SART3: variants seen among roughly 807,000 people sequenced by gnomAD.
The protein encoded by SART3 is spliceosome associated factor 3, U4/U6 recycling protein.
Under a neutral mutation model 122.3 loss-of-function variants are expected in SART3, and 44 were observed. The observed-to-expected ratio is 0.36, with a 90% CI of 0.28 to 0.46. The LOEUF is 0.46. Ranked by LOEUF, SART3 falls within the 20% of genes least tolerant of loss-of-function variation. SART3 has a pLI of 1.00. For synonymous variants in SART3, 442 were observed against 454.0 expected (o/e 0.97, Z 0.34); for missense variants, 1,101 against 1,229.0 (o/e 0.90, Z 1.56).
At chr12:108,553,351 T>C (rs530906211) in intron 1 of SART3, among the ~76,000 whole-genome samples, 1 of 152,334 alleles carries the variant, frequency 6.6e-6, no homozygotes, top group East Asian at 1.9e-4. Context: ...CTCAAAGTGT[T>C]ATCATTGAGG....
At position 108,545,144 on chromosome 12, in the gene SART3, C is replaced by T; in HGVS notation, c.724G>A (p.Ala242Thr). Residue 242 changes from alanine (A) to threonine (T), a missense_variant, in exon 4 of 19, where the codon GCT becomes ACT. By Grantham distance (58) the Ala-to-Thr change is moderately conservative (BLOSUM62 0). Transcript: ENST00000546815. Reference protein sequence around the residue: ...REFESAIVEAARLEKVHSLFR... With the variant: ...REFESAIVEATRLEKVHSLFR... ...AGACAACCACAGGTACTCACCCGAG[C>T]AGCTTCCACAATCGCACTTTCAAAC... 1.2e-6 allele frequency: 2 copies of T among 1,614,058 alleles called. No individual in the cohort carries two copies. The highest frequency in any genetic ancestry group is 1.7e-6 in the Non-Finnish European group (2 of 1,179,986).
At position 108,536,550 on chromosome 12, in the gene SART3, T is replaced by G. The variant is rs1479852611; in HGVS notation, c.1410A>C (p.Pro470=). ...VEERFNESGD[P]SCVIMQNWAR... ...CCCAGTTCTGCATAATCACGCAGCT[T>G]GGATCACCACTCTCATTGAAACCTT... is the stretch of plus-strand genomic sequence containing the variant. The change falls in exon 11 of 19, where the codon CCA becomes CCC. Residue 470 remains proline (P), a synonymous_variant. Coordinates refer to ENST00000546815, the MANE Select transcript of SART3 (RefSeq NM_014706.4). The G allele has an allele frequency of 1.9e-6, 3 of 1,614,204 alleles. No homozygotes were observed. Among genetic ancestry groups the G allele is most frequent in the South Asian group, 2.2e-5 (2 of 91,082 alleles).
Position 108,538,919 on chromosome 12 carries a change from G to T in SART3, c.1062+15C>A, listed in dbSNP as rs371097471. The stretch of plus-strand genomic sequence containing the variant: ...AATTGGCAAAAATAAAATGAAATTA[G>T]AACAGTGATCTTACTAGGTACTGAC... On this transcript the variant is annotated intron_variant, in intron 7 of 18. Transcript: ENST00000546815. The T allele has an allele frequency of 8.1e-6, 13 of 1,613,936 alleles. No homozygotes were observed. The highest frequency in any genetic ancestry group is 2.2e-5 in the East Asian group (1 of 44,892).
At chr12:108,528,758 C>T (rs903998199) in intron 15 of SART3, among the ~76,000 whole-genome samples, 1 of 152,124 alleles carries the variant, frequency 6.6e-6, no homozygotes, top group Admixed American at 6.6e-5. Context: ...TGATTACATA[C>T]CTACAGGGGC....
At chr12:108,537,798 A>G in intron 8 of SART3, 1 of 659,270 alleles carries the variant, frequency 1.5e-6, no homozygotes, top group Non-Finnish European at 2.6e-6. Flanking sequence ...TTCTTCCACA[A>G]GACGCCCTGC....
At chr12:108,551,401 C>T (rs981953435) in intron 1 of SART3, among the ~76,000 whole-genome samples, 2 of 152,180 alleles carry the variant, frequency 1.3e-5, no homozygotes, top group African/African-American at 4.8e-5. Context: ...GCAACTTCAA[C>T]ATCTCCCTTT....
chr12:108,560,488 G>A (rs965102758), intron 1 of SART3: 1 of 390,126 alleles, frequency 2.6e-6, no homozygotes, highest in Non-Finnish European at 4.5e-6. Flanking sequence ...TCTACTGTTG[G>A]ACGTGTGGTT....
chr12:108,548,863 G>GT (rs1212626282), intron 2 of SART3, among the ~76,000 whole-genome samples: 1 of 152,196 alleles, frequency 6.6e-6, no homozygotes, highest in African/African-American at 2.4e-5. Context: ...TTACCACAAC[G>GT]TTAGAATAAA....
chr12:108,560,881 C>G lies in SART3; in HGVS notation c.274G>C (p.Glu92Gln). ...EYEWEYDEEE[E>Q]KNQLEIERLE... Reference sequence around the variant, plus strand: ...CTCTCAATCTCCAGCTGGTTTTTCTCCTCCTCTTCGTCATATTCCCACTCG... The same window carrying G: ...CTCTCAATCTCCAGCTGGTTTTTCTGCTCCTCTTCGTCATATTCCCACTCG... The change falls in exon 1 of 19, where the codon GAG (glutamate) becomes CAG (glutamine). Residue 92 changes from glutamate to glutamine, a missense_variant. Transcript: ENST00000546815. The G allele has an allele frequency of 6.2e-7, 1 of 1,606,240 alleles. No homozygotes were observed. Among genetic ancestry groups the G allele is most frequent in the Non-Finnish European group, 8.5e-7 (1 of 1,174,098 alleles).
chr12:108,532,121 C>G, intron 13 of SART3, 101 bp downstream of exon 13: 2 of 974,456 alleles, frequency 2.1e-6, no homozygotes, highest in Non-Finnish European at 3.2e-6. Flanking sequence ...AAGGTGGCAG[C>G]ATAAACACAG....
rs746978643 is a variant in SART3, at chr12:108,548,016, A to G, written c.440-25T>C. The G allele has an allele frequency of 3.8e-5, 60 of 1,589,272 alleles. No homozygotes were observed. In the Admixed American group the frequency reaches 7.0e-4, roughly 19 times the overall value. ...TCTACGAGACAAAAATACTTCCCGCATTAATACCAAAGGGTAGGCTAAGCG... is the reference window on the plus strand; with the variant it reads ...TCTACGAGACAAAAATACTTCCCGCGTTAATACCAAAGGGTAGGCTAAGCG... On this transcript the variant is annotated intron_variant, in intron 2 of 18. Coordinates refer to ENST00000546815, the MANE Select transcript of SART3 (RefSeq NM_014706.4).
intron 1 of SART3, among the ~76,000 whole-genome samples, chr12:108,550,253 TAGA>T (rs1422299241): frequency 6.6e-6 from 1 of 152,084 alleles, no homozygotes; most frequent in Non-Finnish European, 1.5e-5. Flanking sequence ...ACAGAAAAGT[TAGA>T]AGAAGGAATC....
Position 108,545,203 on chromosome 12 carries a change from G to A in SART3, c.665C>T (p.Thr222Ile). The A allele has an allele frequency of 6.2e-7, 1 of 1,614,084 alleles. No homozygotes were observed. The highest frequency in any genetic ancestry group is 8.5e-7 in the Non-Finnish European group (1 of 1,180,030). Residue 222 changes from threonine to isoleucine, a missense_variant, in exon 4 of 19, where the codon ACC (threonine) becomes ATC (isoleucine). By Grantham distance (89) the Thr-to-Ile change is moderately conservative. Coordinates refer to ENST00000546815, the MANE Select transcript of SART3 (RefSeq NM_014706.4). ...AGCCTCCCAGAGGGCGAGTCCTTTGGTCATATGTAAACCAACAGACGAGAG... is the reference window on the plus strand; with the variant it reads ...AGCCTCCCAGAGGGCGAGTCCTTTGATCATATGTAAACCAACAGACGAGAG... ...RALSSVGLHMTKGLALWEAYR... is the reference protein window; with the variant it reads ...RALSSVGLHMIKGLALWEAYR...
rs142364693 is a variant in SART3, at chr12:108,535,667, A to T, written c.1447-199T>A. The T allele has an allele frequency of 1.4e-4, 86 of 632,884 alleles. No homozygotes were observed. In the African/African-American group the frequency reaches 1.4e-3, roughly 11 times the overall value. 39.2% of individuals were successfully genotyped at this position (632,884 alleles called of 1,614,324 possible). ...TTGAGCCTTTCTGCAGCCACAAGCT[A>T]ATCTACCTATGTTTCCTGAGAACCG... is the stretch of plus-strand genomic sequence containing the variant. On this transcript the variant is annotated intron_variant, in intron 11 of 18. Transcript: ENST00000546815.
intron 4 of SART3, chr12:108,544,766 C>G: frequency 1.7e-6 from 1 of 586,904 alleles, no homozygotes; most frequent in Non-Finnish European, 3.0e-6. Flanking sequence ...GGACTCACTA[C>G]ATTGCCCAGG....
chr12:108,534,475 G>A (rs1872814713), intron 12 of SART3, among the ~76,000 whole-genome samples: 1 of 151,358 alleles, frequency 6.6e-6, no homozygotes, highest in South Asian at 2.1e-4. Context: ...CTTGAGGTCA[G>A]CATGACCTAC....
Position 108,532,251 on chromosome 12 carries a change from T to C in SART3, c.1640A>G (p.Glu547Gly). Residue 547 changes from glutamate to glycine, a missense_variant, in exon 13 of 19, where the codon GAA becomes GGA. This residue lies in a region of SART3 where 885 missense variants were observed against 1,080.1 expected (regional missense o/e 0.82). Transcript: ENST00000546815. ...TGTCCTCTCCATGGTGAGTAACACT[T>C]CGCAGACGTGCTCTGGGTAGTCACT... Reference protein sequence around the residue: ...CTSDYPEHVCEVLLTMERTEG... With the variant: ...CTSDYPEHVCGVLLTMERTEG... 6.2e-7 allele frequency: 1 copy of C among 1,614,164 alleles called. No individual in the cohort carries two copies. Among genetic ancestry groups the C allele is most frequent in the East Asian group, 2.2e-5 (1 of 44,884 alleles).
Position 108,523,576 on chromosome 12 carries a change from C to G in SART3, c.2773G>C (p.Ala925Pro), listed in dbSNP as rs753061326. 1 of 1,614,062 alleles carries G rather than the reference C, an allele frequency of 6.2e-7. No homozygotes were observed. The highest frequency in any genetic ancestry group is 1.3e-5 in the African/African-American group (1 of 74,922). The change falls in exon 19 of 19, where the codon GCT (alanine) becomes CCT (proline). Residue 925 changes from alanine to proline, a missense_variant. By Grantham distance (27) the Ala-to-Pro change is conservative. Transcript: ENST00000546815. Reference sequence around the variant, plus strand: ...CCGTTCTCAGCCTGAGGAGCTGCAGCACTTGGGCGCTGCAGGGCACGAGGC... The same window carrying G: ...CCGTTCTCAGCCTGAGGAGCTGCAGGACTTGGGCGCTGCAGGGCACGAGGC... ...LLPRALQRPS[A>P]AAPQAENGPA...
At chr12:108,551,116 G>T (rs935082898) in intron 1 of SART3, among the ~76,000 whole-genome samples, 7 of 152,158 alleles carry the variant, frequency 4.6e-5, no homozygotes, top group Non-Finnish European at 8.8e-5. Context: ...CAAAGACACA[G>T]GTAAACTGGT....
Sources: allele counts gnomAD v4.1 joint callset (sites outside exome capture counted in the v4.1 genomes callset), GRCh38; gene constraint gnomAD v4.1.1; regional missense constraint gnomAD v4.1.1; transcripts MANE v1.5; gene names NCBI Gene and HGNC (gene_info 2026-07-23, HGNC 2026-07-21).